PPL: variants seen among roughly 807,000 people sequenced by gnomAD.
PPL encodes 190 kDa paraneoplastic pemphigus antigen.
PPL carries 198 observed loss-of-function variants against 194.4 expected under a neutral mutation model. The ratio of observed to expected loss-of-function variants is 1.02; its 90% CI spans 0.91 to 1.15. The LOEUF is 1.15. Ranked by LOEUF, PPL falls within the 50% of genes most tolerant of loss-of-function variation. PPL has a pLI of 0.00. For missense variants in PPL, 2,885 were observed against 2,294.8 expected (o/e 1.26, Z -5.25); for synonymous variants, 1,220 against 972.4 (o/e 1.25, Z -4.74).
At chr16:4,891,436 CTTTTTT>C (rs57933525) in intron 16 of PPL, 382 of 113,664 alleles carry the variant, frequency 3.4e-3, no homozygotes, top group Middle Eastern at 9.2e-3. Context: ...GTGCTTTATG[CTTTTTT>C]TTTTTTTTTT....
chr16:4,907,641 T>C (rs2088720358), intron 2 of PPL, among the ~76,000 whole-genome samples: 1 of 152,088 alleles, frequency 6.6e-6, no homozygotes, highest in African/African-American at 2.4e-5. Context: ...GAGATGGTTG[T>C]GTAACATTGT....
At chr16:4,921,017 G>A (rs2089039324) in intron 1 of PPL, among the ~76,000 whole-genome samples, 2 of 152,226 alleles carry the variant, frequency 1.3e-5, no homozygotes, top group Non-Finnish European at 2.9e-5. Flanking sequence ...TGTTGACGCT[G>A]TGGGTCAGGG....
In PPL at chr16:4,885,942, GCTCAGTCTCCTCATCCAGTTC is replaced by G. The variant is rs1372930240; in HGVS notation, c.2692_2712del (p.Glu898_Glu904del). ...ACCTCGTTCTCCAGCTGCCGCCTCC[GCTCAGTCTCCTCATCCAGTTC>G]CTTCCTGATCTTCCACGCCTCCTCC... On this transcript the variant is annotated inframe_deletion, in exon 22 of 22. Coordinates refer to ENST00000345988, the MANE Select transcript of PPL (RefSeq NM_002705.5). The surrounding 1 kb of genome is among the most constrained non-coding windows in gnomAD (Gnocchi z 6.3). The G allele has an allele frequency of 6.2e-7, 1 of 1,613,070 alleles. No individual in the cohort carries two copies. Among genetic ancestry groups the G allele is most frequent in the Non-Finnish European group, 8.5e-7 (1 of 1,180,024 alleles).
Position 4,890,856 on chromosome 16 carries a change from C to T in PPL, c.2034G>A (p.Ala678=), listed in dbSNP as rs569489822. ...LLGEVEQNLQ[A]AKQCSSTLAS... is the part of the protein sequence containing the mutation. ...CCAGTGTGCTCGAGCACTGCTTGGC[C>T]GCCTGCAAGTTCTGCTCCACCTCAC... The change falls in exon 17 of 22, where the codon GCG becomes GCA. Residue 678 remains alanine, a synonymous_variant. Coordinates refer to ENST00000345988, the MANE Select transcript of PPL (RefSeq NM_002705.5). 63 of 1,560,646 alleles carry T rather than the reference C, an allele frequency of 4.0e-5. No homozygotes were observed. The African/African-American group carries it at 4.5e-4, about 11-fold the overall frequency.
chr16:4,883,574 T>C lies in PPL; in HGVS notation c.5081A>G (p.Asp1694Gly). The change falls in exon 22 of 22, where the codon GAC becomes GGC. Residue 1694 changes from aspartate to glycine, a missense_variant. Asp to Gly is a moderately conservative substitution (Grantham distance 94). Transcript: ENST00000345988. This position sits in a 1 kb window ranked among gnomAD's most constrained non-coding sequence, Gnocchi z 4.8. ...MFVKLRSQEC[D>G]WEEISVKGPN... The stretch of plus-strand genomic sequence containing the variant: ...ACCCTTCACTGAGATCTCCTCCCAG[T>C]CGCACTCCTGGCTTCTGAGTTTCAC... The C allele has an allele frequency of 6.2e-7, 1 of 1,614,166 alleles. No individual in the cohort carries two copies.
At chr16:4,923,022 T>C (rs1352676024) in intron 1 of PPL, among the ~76,000 whole-genome samples, 1 of 152,186 alleles carries the variant, frequency 6.6e-6, no homozygotes, top group African/African-American at 2.4e-5. Flanking sequence ...TTCAGCTGTC[T>C]TGGGTTTGGG....
intron 1 of PPL, among the ~76,000 whole-genome samples, chr16:4,933,719 ATC>A (rs2142435383): frequency 6.6e-6 from 1 of 152,154 alleles, no homozygotes; most frequent in Non-Finnish European, 1.5e-5. Context: ...ACTCCATCTT[ATC>A]TCTGTGATGT....
At chr16:4,892,539 C>T (rs2088340260) in intron 14 of PPL, among the ~76,000 whole-genome samples, 1 of 152,330 alleles carries the variant, frequency 6.6e-6, no homozygotes, top group Non-Finnish European at 1.5e-5. Flanking sequence ...TACTACGACT[C>T]CACCCAGTCA....
chr16:4,885,423 G>C lies in PPL; in HGVS notation c.3232C>G (p.Gln1078Glu), dbSNP rs758781390. 3 of 1,612,670 alleles carry C rather than the reference G, an allele frequency of 1.9e-6. No individual in the cohort carries two copies. Among genetic ancestry groups the C allele is most frequent in the Non-Finnish European group, 2.5e-6 (3 of 1,179,972 alleles). The change falls in exon 22 of 22, where the codon CAG becomes GAG. Residue 1078 changes from glutamine to glutamate, a missense_variant. Physicochemically the swap from Gln to Glu is conservative, Grantham distance 29. Coordinates refer to ENST00000345988, the MANE Select transcript of PPL (RefSeq NM_002705.5). The surrounding 1 kb of genome is among the most constrained non-coding windows in gnomAD (Gnocchi z 6.3). ...AEYQQLQEDH[Q>E]RQDQLREKQE... ...TTCTCCCTGAGCTGGTCCTGGCGCT[G>C]GTGGTCCTCCTGCAGCTGCTGGTAC... is the stretch of plus-strand genomic sequence containing the variant.
At chr16:4,914,519 C>T (rs1256746882) in intron 1 of PPL, among the ~76,000 whole-genome samples, 1 of 152,156 alleles carries the variant, frequency 6.6e-6, no homozygotes, top group Non-Finnish European at 1.5e-5. Flanking sequence ...TTGTGGCAGA[C>T]CTGGATACAC....
At chr16:4,936,352 C>A (rs979901093) in intron 1 of PPL, among the ~76,000 whole-genome samples, 1 of 152,186 alleles carries the variant, frequency 6.6e-6, no homozygotes, top group Non-Finnish European at 1.5e-5. Context: ...CGACCCCACA[C>A]CCCCCAGGGC....
intron 12 of PPL, chr16:4,893,918 G>C (rs1568001947): frequency 2.0e-6 from 1 of 500,150 alleles, no homozygotes; most frequent in South Asian, 3.1e-5. Flanking sequence ...ATACACAGTA[G>C]GTGCTCAATA....
chr16:4,928,681 G>T (rs1003518132), intron 1 of PPL, among the ~76,000 whole-genome samples: 2 of 152,210 alleles, frequency 1.3e-5, no homozygotes, highest in African/African-American at 2.4e-5. Flanking sequence ...CCACAAAGAA[G>T]AGACAGGGCT....
At position 4,895,666 on chromosome 16, in the gene PPL, C is replaced by T. The variant is rs139653077; in HGVS notation, c.1023G>A (p.Ser341=). The stretch of plus-strand genomic sequence containing the variant: ...CAGGGCCATACTTCTGGTTCAGGTC[C>T]GAGTCCACCTTGCGCAGCAGCTCCT... ...DAQELLRKVD[S]DLNQKYGPDF... is the part of the protein sequence containing the mutation. The change falls in exon 10 of 22, where the codon TCG becomes TCA. Residue 341 remains serine (S), a synonymous_variant. Coordinates refer to ENST00000345988, the MANE Select transcript of PPL (RefSeq NM_002705.5). 798 of 1,614,000 alleles carry T rather than the reference C, an allele frequency of 4.9e-4. 5 individuals carry two copies. In the African/African-American group the frequency reaches 9.4e-3, roughly 19 times the overall value.
At chr16:4,904,136 C>T (rs1327322786) in intron 2 of PPL, 96 bp from the exon 3 acceptor site, 1 of 1,296,936 alleles carries the variant, frequency 7.7e-7, no homozygotes, top group Non-Finnish European at 1.1e-6. Flanking sequence ...GCAGGGTGCT[C>T]CCCTTCTTTC....
intron 1 of PPL, among the ~76,000 whole-genome samples, chr16:4,923,785 C>T (rs1485937617): frequency 6.6e-6 from 1 of 152,050 alleles, no homozygotes; most frequent in African/African-American, 2.4e-5. Context: ...AAGGAGATAA[C>T]CCTTATAAAT....
intron 12 of PPL, 131 bp from the exon 13 acceptor site, chr16:4,893,769 G>A (rs980023407): frequency 7.2e-6 from 5 of 691,376 alleles, no homozygotes; most frequent in African/African-American, 1.8e-5. Context: ...CGGACAGCAA[G>A]TGCTCACTGT....
In PPL at chr16:4,890,228, T is replaced by C; in HGVS notation, c.2269A>G (p.Thr757Ala). 6.2e-7 allele frequency: 1 copy of C among 1,614,110 alleles called. No individual in the cohort carries two copies. Among genetic ancestry groups the C allele is most frequent in the Non-Finnish European group, 8.5e-7 (1 of 1,180,012 alleles). The change falls in exon 18 of 22, where the codon ACA (threonine) becomes GCA (alanine). Residue 757 changes from threonine to alanine, a missense_variant. By Grantham distance (58) the Thr-to-Ala change is moderately conservative. Coordinates refer to ENST00000345988, the MANE Select transcript of PPL (RefSeq NM_002705.5). ...GTCTCCATCTGGCTGAGGCTGTCTG[T>C]CTCCTGGGGCTCGTAACTGGGGATG... The part of the protein sequence containing the change: ...VSIPSYEPQE[T>A]DSLSQMETKL...
In PPL at chr16:4,903,893, C is replaced by T. The variant is rs370945933; in HGVS notation, c.310G>A (p.Ala104Thr). ...GAAGCAGAAGGGACCTACTCCTCGG[C>T]GATCATGTCCCCCTGTGGGTGCTTC... ...HMKHPQGDMIAEDIRQLKERV... is the reference protein window; with the variant it reads ...HMKHPQGDMITEDIRQLKERV... The change falls in exon 3 of 22, where the codon GCC becomes ACC. Residue 104 changes from alanine (A) to threonine (T), a missense_variant. Coordinates refer to ENST00000345988, the MANE Select transcript of PPL (RefSeq NM_002705.5). 21 of 1,613,874 alleles carry T rather than the reference C, an allele frequency of 1.3e-5. No homozygotes were observed. The highest frequency in any genetic ancestry group is 1.1e-4 in the South Asian group (10 of 91,084).
Sources: allele counts gnomAD v4.1 joint callset (sites outside exome capture counted in the v4.1 genomes callset), GRCh38; gene constraint gnomAD v4.1.1; non-coding constraint Gnocchi (gnomAD v3.1); transcripts MANE v1.5; gene names NCBI Gene and HGNC (gene_info 2026-07-23, HGNC 2026-07-21).